DENND1B: variants seen among roughly 807,000 people sequenced by gnomAD.
DENND1B encodes the protein DENN domain-containing protein 1B.
In DENND1B, 59 loss-of-function variants were observed where a neutral mutation model predicts 90.1. That is an observed-to-expected ratio of 0.65 (90% confidence interval 0.53 to 0.81). The LOEUF (loss-of-function observed/expected upper bound fraction) is 0.81. Among genes scored for constraint, DENND1B ranks in the 40% least tolerant of loss-of-function variants. The pLI, the probability that DENND1B is intolerant of heterozygous loss-of-function variation, is 0.00. For synonymous variants in DENND1B, 337 were observed against 324.6 expected, an observed-to-expected ratio of 1.04 and a Z score of -0.41; for missense variants, 862 against 912.6, an observed-to-expected ratio of 0.94 and a Z score of 0.71.
chr1:197,620,723 G>A (rs1369189225), intron 10 of DENND1B, among the ~76,000 whole-genome samples: 3 of 151,238 alleles, frequency 2.0e-5, no homozygotes, highest in Non-Finnish European at 3.0e-5. Context: ...CAAAAATTTT[G>A]AGTGCCTGCT....
At chr1:197,751,662 G>A (rs1249419939) in intron 2 of DENND1B, among the ~76,000 whole-genome samples, 3 of 151,984 alleles carry the variant, frequency 2.0e-5, no homozygotes, top group Non-Finnish European at 1.5e-5. Flanking sequence ...TGGTCAACAT[G>A]GTGAAATCTT....
chr1:197,554,436 T>C (rs930521630), intron 15 of DENND1B, among the ~76,000 whole-genome samples: 2 of 152,106 alleles, frequency 1.3e-5, no homozygotes, highest in Non-Finnish European at 2.9e-5. Context: ...AGCTGGTCTT[T>C]AAAAAGAGAA....
chr1:197,649,333 T>G (rs1287025435), intron 7 of DENND1B, among the ~76,000 whole-genome samples: 2 of 152,186 alleles, frequency 1.3e-5, no homozygotes, highest in African/African-American at 2.4e-5. Flanking sequence ...GTAACTTTCA[T>G]CTGACAGTCT....
chr1:197,588,290 T>C (rs1674889326), intron 14 of DENND1B, among the ~76,000 whole-genome samples: 1 of 152,252 alleles, frequency 6.6e-6, no homozygotes. Context: ...TAATCATTAT[T>C]GACATAATGT....
intron 8 of DENND1B, 35 bp from the exon 9 acceptor site, chr1:197,645,778 T>C (rs779705662): frequency 7.4e-7 from 1 of 1,357,892 alleles, no homozygotes; most frequent in East Asian, 2.5e-5. Flanking sequence ...ATGAAAAAGA[T>C]AATTAAAACT....
intron 14 of DENND1B, among the ~76,000 whole-genome samples, chr1:197,587,700 G>A (rs942779275): frequency 1.6e-4 from 24 of 152,194 alleles, no homozygotes; most frequent in African/African-American, 5.3e-4. Flanking sequence ...ATTTTTCCAC[G>A]GACCAGAGGA....
chr1:197,507,988 C>T lies in DENND1B; in HGVS notation c.*2472G>A, dbSNP rs1271978904. 1 of 151,446 alleles carries T rather than the reference C, an allele frequency of 6.6e-6. No homozygotes were observed. Among genetic ancestry groups the T allele is most frequent in the African/African-American group, 2.4e-5 (1 of 41,296 alleles). The allele number at this position is 151,446 out of a possible 1,614,324, so 9.4% of individuals were successfully genotyped here. A position where few individuals can be genotyped will look rare whatever the true frequency, so the allele number is the denominator to read the frequency against. On this transcript the variant is annotated 3_prime_UTR_variant, in exon 23 of 23. Coordinates refer to ENST00000620048, the MANE Select transcript of DENND1B (RefSeq NM_001195215.2). ...ATAAGGCACAAATCACTTTTAAATA[C>T]CTTGAGACAATTATTTATGAGTGGC...
chr1:197,554,402 A>C (rs1046519855), intron 15 of DENND1B, among the ~76,000 whole-genome samples: 10 of 151,800 alleles, frequency 6.6e-5, no homozygotes, highest in Admixed American at 5.9e-4. Flanking sequence ...AGAAATTTAA[A>C]TTTTACCTGA....
chr1:197,699,023 A>G (rs965232652), intron 3 of DENND1B, among the ~76,000 whole-genome samples: 2 of 152,098 alleles, frequency 1.3e-5, no homozygotes, highest in Non-Finnish European at 2.9e-5. Context: ...ACTATTTCAA[A>G]TAACTGAAAA....
At chr1:197,765,290 T>C (rs1478349390) in intron 2 of DENND1B, among the ~76,000 whole-genome samples, 1 of 152,202 alleles carries the variant, frequency 6.6e-6, no homozygotes, top group African/African-American at 2.4e-5. Context: ...TTTTCAATGT[T>C]AAACATTAAG....
Position 197,643,390 on chromosome 1 carries a change from CA to C in DENND1B, c.562-570del, listed in dbSNP as rs1395470591. 2.0e-5 allele frequency among the ~76,000 whole-genome samples: 3 copies of C among 152,092 alleles called. No individual in the cohort carries two copies. In the East Asian group the frequency reaches 5.8e-4, roughly 29 times the overall value. On this transcript the variant is annotated intron_variant, in intron 9 of 22. Coordinates refer to ENST00000620048, the MANE Select transcript of DENND1B (RefSeq NM_001195215.2). ...CGGGTTGGTCTCGAACTCCTGACCT[CA>C]GATGATCTGCCCACCTCGGCCTCCC...
intron 3 of DENND1B, among the ~76,000 whole-genome samples, chr1:197,707,931 A>G (rs1659767257): frequency 6.6e-6 from 1 of 151,832 alleles, no homozygotes; most frequent in Admixed American, 6.6e-5. Flanking sequence ...GCAAGGGGTC[A>G]GGGAGTTCCC....
At position 197,545,316 on chromosome 1, in the gene DENND1B, A is replaced by G. The variant is rs550688075; in HGVS notation, c.1350+606T>C. 1.1e-4 allele frequency among the ~76,000 whole-genome samples: 16 copies of G among 152,166 alleles called. No individual in the cohort carries two copies. The East Asian group carries it at 3.1e-3, about 30-fold the overall frequency. On this transcript the variant is annotated intron_variant, in intron 18 of 22. Transcript: ENST00000620048. ...GCTACTTGGGAGGCTGAGGCAGGAG[A>G]ATTGCTTGAACCTGGAAGGCGGAGG...
chr1:197,535,022 C>T (rs1669773787), intron 20 of DENND1B, among the ~76,000 whole-genome samples: 1 of 152,208 alleles, frequency 6.6e-6, no homozygotes, highest in African/African-American at 2.4e-5. Flanking sequence ...AAAGAAGCTT[C>T]TGCAATATCA....
At chr1:197,552,458 A>G in intron 16 of DENND1B, 1 of 985,372 alleles carries the variant, frequency 1.0e-6, no homozygotes, top group Non-Finnish European at 1.2e-6. Context: ...TTATAACAGT[A>G]TTTGAACATT....
intron 10 of DENND1B, among the ~76,000 whole-genome samples, chr1:197,626,704 C>CA (rs537613589): frequency 0.011 from 1,700 of 150,792 alleles, 30 homozygotes; most frequent in African/African-American, 0.038. Flanking sequence ...AATAGAGACA[C>CA]AAAAAAAACC....
intron 2 of DENND1B, among the ~76,000 whole-genome samples, chr1:197,763,058 C>T (rs987293923): frequency 6.6e-6 from 1 of 152,156 alleles, no homozygotes; most frequent in African/African-American, 2.4e-5. Flanking sequence ...CACCTGTAAT[C>T]CCAGCACTTT....
intron 13 of DENND1B, among the ~76,000 whole-genome samples, chr1:197,602,289 AC>A (rs1009400838): frequency 6.6e-6 from 1 of 151,580 alleles, no homozygotes; most frequent in African/African-American, 2.4e-5. Flanking sequence ...ATGCCTATTT[AC>A]AAAGCACAGT....
intron 16 of DENND1B, among the ~76,000 whole-genome samples, chr1:197,551,483 G>A (rs1021920482): frequency 1.3e-5 from 2 of 152,046 alleles, no homozygotes; most frequent in African/African-American, 4.8e-5. Flanking sequence ...ATACTTATCG[G>A]TAATCATATT....
Sources: gnomAD v4.1 joint callset for allele counts (sites outside exome capture counted in the v4.1 genomes callset) on GRCh38, gnomAD v4.1.1 for gene constraint, MANE v1.5 for transcripts, NCBI Gene and HGNC (gene_info 2026-07-23, HGNC 2026-07-21) for gene names.